Variants in CIMAP1D observed in about 807,000 individuals in gnomAD.
CIMAP1D encodes CIMAP1 family member D, also known as protein CIMAP1D.
the CIMAP1D span, among the ~76,000 whole-genome samples, chr19:479,228 A>G: frequency 6.6e-6 from 1 of 152,182 alleles, no homozygotes; most frequent in African/African-American, 2.4e-5. Flanking sequence ...ACGATTAGGC[A>G]TAATTGAAGC....
At chr19:471,894 C>T in the CIMAP1D span, among the ~76,000 whole-genome samples, 4 of 152,088 alleles carry the variant, frequency 2.6e-5, no homozygotes, top group Admixed American at 2.6e-4. Flanking sequence ...AGGCGCCCGC[C>T]ACCACGCCCG....
At chr19:474,653 C>G in the CIMAP1D span, 1 of 1,584,184 alleles carries the variant, frequency 6.3e-7, no homozygotes. Flanking sequence ...ACAGGACTTC[C>G]TCAGGCCGGT....
At chr19:483,070 G>T in the CIMAP1D span, among the ~76,000 whole-genome samples, 1 of 152,120 alleles carries the variant, frequency 6.6e-6, no homozygotes, top group Non-Finnish European at 1.5e-5. Context: ...GAAGACAAGG[G>T]CATCTGGCCC....
At chr19:479,031 G>C in the CIMAP1D span, among the ~76,000 whole-genome samples, 1 of 152,232 alleles carries the variant, frequency 6.6e-6, no homozygotes, top group Non-Finnish European at 1.5e-5. Flanking sequence ...TGGAGGAAAC[G>C]TGGGCGAAGG....
chr19:491,416 C>CT, the CIMAP1D span, among the ~76,000 whole-genome samples: 1 of 152,222 alleles, frequency 6.6e-6, no homozygotes, highest in Non-Finnish European at 1.5e-5. Flanking sequence ...CGCCGTGTGG[C>CT]TTGTGCCCTT....
the CIMAP1D span, among the ~76,000 whole-genome samples, chr19:488,281 G>A: frequency 1.3e-5 from 2 of 151,976 alleles, no homozygotes; most frequent in Middle Eastern, 3.4e-3. Flanking sequence ...CCAGCTCCTC[G>A]GGAGGCTGAG....
chr19:476,245 G>A, the CIMAP1D span, among the ~76,000 whole-genome samples: 2 of 152,020 alleles, frequency 1.3e-5, no homozygotes. Context: ...AGTAGAGACG[G>A]GGTTTCACCA....
chr19:480,342 G>A, the CIMAP1D span, among the ~76,000 whole-genome samples: 3 of 152,248 alleles, frequency 2.0e-5, no homozygotes, highest in Non-Finnish European at 2.9e-5. Flanking sequence ...CCCAATCAGA[G>A]CTCACAAGCG....
chr19:464,308 G>A, the CIMAP1D span: 84 of 1,541,590 alleles, frequency 5.4e-5, 1 homozygote, highest in Middle Eastern at 6.9e-4. Flanking sequence ...GTCCGATGGC[G>A]CACAGGGGGC....
chr19:477,287 C>G, the CIMAP1D span, among the ~76,000 whole-genome samples: 1 of 152,262 alleles, frequency 6.6e-6, no homozygotes, highest in East Asian at 1.9e-4. Context: ...TAGAAATAAT[C>G]CCTTGGCCGG....
chr19:490,022 G>T, the CIMAP1D span: 5 of 398,494 alleles, frequency 1.3e-5, no homozygotes, highest in Non-Finnish European at 1.3e-5. Flanking sequence ...ATAGAAAGAA[G>T]AAAAGAAATG....
the CIMAP1D span, chr19:474,744 C>T: frequency 3.9e-6 from 6 of 1,528,780 alleles, no homozygotes; most frequent in Non-Finnish European, 5.3e-6. Context: ...CTGAGGGTCC[C>T]CATGGTGGGC....
At chr19:479,273 G>A in the CIMAP1D span, among the ~76,000 whole-genome samples, 1 of 152,190 alleles carries the variant, frequency 6.6e-6, no homozygotes, top group South Asian at 2.1e-4. Flanking sequence ...GATCAATTAA[G>A]CAGCTGCTCA....
the CIMAP1D span, chr19:472,550 G>A: frequency 1.1e-5 from 15 of 1,346,864 alleles, no homozygotes; most frequent in Non-Finnish European, 1.4e-5. Flanking sequence ...ATTCCCCGAA[G>A]AAGGAGCCCT....
chr19:473,147 G>A, the CIMAP1D span, among the ~76,000 whole-genome samples: 12 of 117,676 alleles, frequency 1.0e-4, no homozygotes, highest in South Asian at 4.4e-4. Flanking sequence ...AGAGATACAC[G>A]GTCACAGATG....
At chr19:480,546 G>C in the CIMAP1D span, among the ~76,000 whole-genome samples, 1,451 of 99,550 alleles carry the variant, frequency 0.015, no homozygotes, top group South Asian at 0.019. Flanking sequence ...TGATGGGGAA[G>C]GATGATGGAG....
the CIMAP1D span, chr19:464,315 G>A: frequency 6.5e-7 from 1 of 1,539,754 alleles, no homozygotes; most frequent in Non-Finnish European, 8.7e-7. Flanking sequence ...GGCGCACAGG[G>A]GGCACCTTCT....
the CIMAP1D span, among the ~76,000 whole-genome samples, chr19:476,994 C>T: frequency 6.6e-6 from 1 of 152,098 alleles, no homozygotes; most frequent in South Asian, 2.1e-4. Context: ...ATTGCTTCAG[C>T]TCAGGAGTTC....
At chr19:468,959 A>G in the CIMAP1D span, among the ~76,000 whole-genome samples, 2 of 144,830 alleles carry the variant, frequency 1.4e-5, no homozygotes, top group African/African-American at 5.0e-5. Flanking sequence ...CGTCATCCAA[A>G]CCTTTGCCCT....
Sources: gnomAD v4.1 joint callset for allele counts (sites outside exome capture counted in the v4.1 genomes callset) on GRCh38, gnomAD v4.1.1 for gene constraint, MANE v1.5 for transcripts, NCBI Gene and HGNC (gene_info 2026-07-23, HGNC 2026-07-21) for gene names.